Variants in NLGN4X observed in about 807,000 individuals in gnomAD.
NLGN4X encodes the protein neuroligin 4 X-linked, also known as neuroligin-4, X-linked.
A neutral mutation model predicts 40.3 loss-of-function variants in NLGN4X; 3 were observed. The observed-to-expected ratio is 0.07, with a 90% confidence interval of 0.03 to 0.19. The LOEUF is 0.19. Among genes scored for constraint, NLGN4X ranks in the 10% least tolerant of loss-of-function variants. The pLI is 1.00. For synonymous variants in NLGN4X, 270 were observed against 306.8 expected, an observed-to-expected ratio of 0.88 and a Z score of 1.25; for missense variants, 382 against 708.3, an observed-to-expected ratio of 0.54 and a Z score of 5.23.
rs1022632040 is a variant in NLGN4X, at chrX:5,973,057, A to C, written c.625+56223T>G. Among the ~76,000 whole-genome samples, 49 of 112,742 alleles carry C rather than the reference A, an allele frequency of 4.3e-4. 1 individual carries two copies. Among genetic ancestry groups the C allele is most frequent in the African/African-American group, 1.5e-3 (46 of 31,098 alleles). ...AGAAAGTTAAACTGCATTATGCAAA[A>C]TGAGCAACGGATGTAATTAACAGGA... On this transcript the variant is annotated intron_variant, in intron 3 of 5. Transcript: ENST00000381095.
chrX:6,008,497 A>G (rs1410533754), intron 3 of NLGN4X, among the ~76,000 whole-genome samples: 1 of 111,824 alleles, frequency 8.9e-6, no homozygotes, highest in East Asian at 2.8e-4. Flanking sequence ...TTTCACTTAT[A>G]TGAAATGTAA....
intron 2 of NLGN4X, among the ~76,000 whole-genome samples, chrX:6,085,842 C>G (rs1343733795): frequency 8.9e-6 from 1 of 112,246 alleles, no homozygotes; most frequent in Non-Finnish European, 1.9e-5. Context: ...TGACAGAAAT[C>G]AAGTCAATGT....
intron 2 of NLGN4X, among the ~76,000 whole-genome samples, chrX:6,125,856 T>G (rs1427816508): frequency 9.0e-6 from 1 of 111,562 alleles, no homozygotes. Flanking sequence ...ATCAGAAAAT[T>G]ATAAATCAAA....
chrX:5,923,303 G>T (rs1333402401), intron 3 of NLGN4X, among the ~76,000 whole-genome samples: 1 of 111,811 alleles, frequency 8.9e-6, no homozygotes, highest in African/African-American at 3.3e-5. Flanking sequence ...ACTGCACCCA[G>T]CTAATTTTTG....
intron 1 of NLGN4X, among the ~76,000 whole-genome samples, chrX:6,189,217 G>A (rs1922335018): frequency 8.9e-6 from 1 of 112,245 alleles, no homozygotes; most frequent in Non-Finnish European, 1.9e-5. Context: ...GACAACTGAT[G>A]TCACTGAAGA....
chrX:5,921,133 T>TTA lies in NLGN4X; in HGVS notation c.626-11896_626-11895dup, dbSNP rs768542616. Among the ~76,000 whole-genome samples the TTA allele has an allele frequency of 3.0e-3, 196 of 65,000 alleles. 2 individuals carry two copies. Among genetic ancestry groups the TTA allele is most frequent in the South Asian group, 9.4e-3 (8 of 854 alleles). 56.4% of individuals were successfully genotyped at this position (65,000 alleles called of 115,157 possible). Reference sequence around the variant, plus strand: ...CAAGATCACATATGGTAAGTATTTTTTATATATATATATACATATATATAT... The same window carrying TTA: ...CAAGATCACATATGGTAAGTATTTTTTATATATATATATATACATATATATAT... On this transcript the variant is annotated intron_variant, in intron 3 of 5. Transcript: ENST00000381095.
chrX:6,057,671 G>A (rs901795347), intron 2 of NLGN4X, among the ~76,000 whole-genome samples: 1 of 111,825 alleles, frequency 8.9e-6, no homozygotes, highest in Non-Finnish European at 1.9e-5. Context: ...CAGACAATTA[G>A]GCTAATTTAG....
At chrX:5,990,084 C>G (rs1035641405) in intron 3 of NLGN4X, among the ~76,000 whole-genome samples, 6 of 69,959 alleles carry the variant, frequency 8.6e-5, no homozygotes, top group Non-Finnish European at 1.7e-4. Flanking sequence ...TTTCCTCTCT[C>G]TCTCTCTCTC....
At chrX:5,909,001 T>C in intron 4 of NLGN4X, 53 bp downstream of exon 4, 1 of 1,175,362 alleles carries the variant, frequency 8.5e-7, no homozygotes, top group Non-Finnish European at 1.2e-6. Flanking sequence ...CTCTGACCAT[T>C]CATTTCTTGG....
chrX:5,944,661 AAAAAAAAAAAAAG>A (rs1372550965), intron 3 of NLGN4X, among the ~76,000 whole-genome samples: 1 of 108,113 alleles, frequency 9.2e-6, no homozygotes, highest in African/African-American at 3.4e-5. Flanking sequence ...AAAAAAAAAA[AAAAAAAAAAAAAG>A]AAGAAGAAAT....
intron 2 of NLGN4X, among the ~76,000 whole-genome samples, chrX:6,074,351 A>C (rs753217626): frequency 9.0e-6 from 1 of 111,384 alleles, no homozygotes; most frequent in South Asian, 3.9e-4. Context: ...TGACTCCAAA[A>C]CTTGCCCTCC....
intron 2 of NLGN4X, among the ~76,000 whole-genome samples, chrX:6,109,357 A>G (rs1305563680): frequency 8.9e-6 from 1 of 112,147 alleles, no homozygotes; most frequent in African/African-American, 3.2e-5. Flanking sequence ...CCTGGATGTA[A>G]TATTATAAAT....
At chrX:5,933,672 G>A (rs1271237240) in intron 3 of NLGN4X, among the ~76,000 whole-genome samples, 1 of 111,481 alleles carries the variant, frequency 9.0e-6, no homozygotes, top group Non-Finnish European at 1.9e-5. Flanking sequence ...AGAAACTTAT[G>A]TTTTCAAAAA....
intron 2 of NLGN4X, among the ~76,000 whole-genome samples, chrX:6,114,109 C>G (rs138659175): frequency 9.0e-6 from 1 of 111,386 alleles, no homozygotes; most frequent in African/African-American, 3.3e-5. Flanking sequence ...CATGAGCCAC[C>G]GCACCCGGCC....
At chrX:5,954,634 G>GTCTCTCTCTC (rs200878268) in intron 3 of NLGN4X, among the ~76,000 whole-genome samples, 1 of 94,901 alleles carries the variant, frequency 1.1e-5, no homozygotes, top group Non-Finnish European at 2.1e-5. Context: ...CTCTGTCTCT[G>GTCTCTCTCTC]TCTCTCTCTC....
At chrX:6,199,784 A>C (rs1437887412) in intron 1 of NLGN4X, among the ~76,000 whole-genome samples, 1 of 112,410 alleles carries the variant, frequency 8.9e-6, no homozygotes, top group African/African-American at 3.2e-5. Flanking sequence ...ACATTAATAC[A>C]GATGAGGAAG....
At chrX:6,021,273 G>A (rs569000510) in intron 3 of NLGN4X, among the ~76,000 whole-genome samples, 1 of 108,292 alleles carries the variant, frequency 9.2e-6, no homozygotes, top group Non-Finnish European at 1.9e-5. Context: ...AATAAATACC[G>A]TTCCATCTGA....
intron 3 of NLGN4X, among the ~76,000 whole-genome samples, chrX:5,990,689 G>T (rs914446227): frequency 9.0e-6 from 1 of 111,629 alleles, no homozygotes; most frequent in Middle Eastern, 4.6e-3. Context: ...AGACAGTGGG[G>T]ATAAAGACAG....
At chrX:6,099,647 T>C (rs2038863042) in intron 2 of NLGN4X, among the ~76,000 whole-genome samples, 1 of 112,426 alleles carries the variant, frequency 8.9e-6, no homozygotes, top group South Asian at 3.7e-4. Context: ...TCATTAAATA[T>C]TTGTGAAGCT....
Sources: allele counts gnomAD v4.1 joint callset (sites outside exome capture counted in the v4.1 genomes callset), GRCh38; gene constraint gnomAD v4.1.1; transcripts MANE v1.5; gene names NCBI Gene and HGNC (gene_info 2026-07-23, HGNC 2026-07-21).